DIAPH3: variants seen among roughly 807,000 people sequenced by gnomAD.
DIAPH3 encodes the protein protein diaphanous homolog 3.
DIAPH3 carries 117 observed loss-of-function variants against 144.3 expected under a neutral mutation model. That is an observed-to-expected ratio of 0.81 (90% CI 0.70 to 0.95). The LOEUF is 0.95. DIAPH3 is among the 40% of genes least tolerant of loss of function. The probability of loss-of-function intolerance (pLI) is 0.00; values close to 1 mark genes in which losing one functional copy is unlikely to be tolerated. For missense variants in DIAPH3, 1,421 were observed against 1,412.7 expected, an observed-to-expected ratio of 1.01 and a Z score of -0.09; for synonymous variants, 519 against 488.9, an observed-to-expected ratio of 1.06 and a Z score of -0.81.
chr13:60,147,037 C>T (rs1486102669), intron 1 of DIAPH3, among the ~76,000 whole-genome samples: 2 of 152,126 alleles, frequency 1.3e-5, no homozygotes, highest in Admixed American at 1.3e-4. Flanking sequence ...AATAAAATGT[C>T]CATGTTATCT....
chr13:60,054,171 A>G (rs1198390503), intron 4 of DIAPH3, among the ~76,000 whole-genome samples: 1 of 152,034 alleles, frequency 6.6e-6, no homozygotes, highest in East Asian at 1.9e-4. Flanking sequence ...TTTAAATCAC[A>G]CTTAAACCTG....
intron 9 of DIAPH3, among the ~76,000 whole-genome samples, chr13:60,001,168 A>T (rs2052507524): frequency 6.6e-6 from 1 of 152,194 alleles, no homozygotes; most frequent in African/African-American, 2.4e-5. Flanking sequence ...TAGTATAATA[A>T]AGATAATGTC....
intron 17 of DIAPH3, among the ~76,000 whole-genome samples, chr13:59,948,657 T>G (rs1206273843): frequency 6.6e-6 from 1 of 152,130 alleles, no homozygotes; most frequent in East Asian, 1.9e-4. Flanking sequence ...TTTTTGTTTT[T>G]GCTATATTGC....
chr13:59,931,664 G>GTGTA (rs1480946029), intron 17 of DIAPH3, among the ~76,000 whole-genome samples: 11 of 152,286 alleles, frequency 7.2e-5, no homozygotes, highest in East Asian at 5.8e-4. Context: ...GGTCACTTGT[G>GTGTA]TGTATGTATG....
At chr13:59,771,214 T>C (rs919335505) in intron 27 of DIAPH3, among the ~76,000 whole-genome samples, 4 of 152,066 alleles carry the variant, frequency 2.6e-5, no homozygotes. Flanking sequence ...AGCTATGATT[T>C]AAGAAGGCAC....
At chr13:59,960,825 C>T (rs570533067) in intron 17 of DIAPH3, among the ~76,000 whole-genome samples, 1 of 151,768 alleles carries the variant, frequency 6.6e-6, no homozygotes, top group Admixed American at 6.6e-5. Context: ...TTATTAGGCC[C>T]CAGTCCCATA....
At chr13:60,040,702 G>A (rs907578838) in intron 5 of DIAPH3, among the ~76,000 whole-genome samples, 7 of 152,048 alleles carry the variant, frequency 4.6e-5, no homozygotes, top group African/African-American at 1.5e-4. Context: ...AAATGAGTGT[G>A]AATTGTCTCC....
chr13:59,924,746 T>G (rs1374365239), intron 18 of DIAPH3, 29 bp downstream of exon 18: 1 of 1,591,854 alleles, frequency 6.3e-7, no homozygotes, highest in Admixed American at 1.7e-5. Flanking sequence ...TTCCACTGTC[T>G]TTGAATGGTA....
At chr13:60,027,890 A>G (rs1276136034) in intron 5 of DIAPH3, among the ~76,000 whole-genome samples, 1 of 152,140 alleles carries the variant, frequency 6.6e-6, no homozygotes, top group Non-Finnish European at 1.5e-5. Flanking sequence ...TTATGGTCAC[A>G]TTTCAGGCTT....
At chr13:60,003,873 C>T (rs2052688014) in intron 9 of DIAPH3, among the ~76,000 whole-genome samples, 1 of 152,150 alleles carries the variant, frequency 6.6e-6, no homozygotes, top group South Asian at 2.1e-4. Context: ...GGCCACCACG[C>T]ACGGCCCCTG....
intron 1 of DIAPH3, among the ~76,000 whole-genome samples, chr13:60,150,053 GCT>G (rs1453852435): frequency 9.9e-5 from 15 of 151,970 alleles, no homozygotes; most frequent in Non-Finnish European, 2.1e-4. Context: ...ACAGGATCCC[GCT>G]CTGTTTCCCA....
At chr13:59,783,387 A>G (rs946915454) in intron 25 of DIAPH3, among the ~76,000 whole-genome samples, 2 of 152,242 alleles carry the variant, frequency 1.3e-5, no homozygotes, top group African/African-American at 4.8e-5. Flanking sequence ...GGATCTAGAC[A>G]GGAGCTCAAT....
At chr13:59,854,626 C>T (rs529288987) in intron 22 of DIAPH3, among the ~76,000 whole-genome samples, 67 of 152,196 alleles carry the variant, frequency 4.4e-4, no homozygotes, top group Admixed American at 7.8e-4. Context: ...TTTCTTTCAC[C>T]TACTTCATAT....
chr13:60,065,483 T>C (rs1328708519), intron 4 of DIAPH3, among the ~76,000 whole-genome samples: 1 of 152,166 alleles, frequency 6.6e-6, no homozygotes, highest in Non-Finnish European at 1.5e-5. Flanking sequence ...TTGCTCATCA[T>C]AGTATTCCTA....
intron 25 of DIAPH3, among the ~76,000 whole-genome samples, chr13:59,806,863 CAT>C (rs1380321528): frequency 1.3e-5 from 2 of 151,630 alleles, no homozygotes; most frequent in Non-Finnish European, 3.0e-5. Flanking sequence ...TGTCAAATAT[CAT>C]ATGCATAAAA....
intron 5 of DIAPH3, among the ~76,000 whole-genome samples, chr13:60,016,371 G>A (rs777316768): frequency 6.6e-6 from 1 of 152,194 alleles, no homozygotes; most frequent in Non-Finnish European, 1.5e-5. Flanking sequence ...TGTAAGAGCA[G>A]ACTGTGCCCA....
At chr13:59,945,742 T>G (rs1028616015) in intron 17 of DIAPH3, among the ~76,000 whole-genome samples, 1 of 152,170 alleles carries the variant, frequency 6.6e-6, no homozygotes, top group African/African-American at 2.4e-5. Context: ...AGGGAGGCCC[T>G]CTTCCACAGA....
rs146870025 is a variant in DIAPH3 at position 60,067,036 on chromosome 13, T to C, written c.496-24216A>G. On this transcript the variant is annotated intron_variant, in intron 4 of 27. Transcript: ENST00000400324. ...GCTCACGCCTATAATCCCAGCACTTTGGGAGGCTGAGACCAGAGGATTGCT... is the reference window on the plus strand; with the variant it reads ...GCTCACGCCTATAATCCCAGCACTTCGGGAGGCTGAGACCAGAGGATTGCT... Among the ~76,000 whole-genome samples the C allele has an allele frequency of 5.3e-4, 81 of 152,308 alleles. No individual in the cohort carries two copies. In the East Asian group the frequency reaches 0.015, roughly 28 times the overall value.
At chr13:60,026,718 G>C (rs1407617881) in intron 5 of DIAPH3, among the ~76,000 whole-genome samples, 2 of 152,002 alleles carry the variant, frequency 1.3e-5, no homozygotes, top group African/African-American at 4.8e-5. Context: ...TTCCTCTGTA[G>C]ACAAAGTGTC....
Sources: gnomAD v4.1 joint callset for allele counts (sites outside exome capture counted in the v4.1 genomes callset) on GRCh38, gnomAD v4.1.1 for gene constraint, MANE v1.5 for transcripts, NCBI Gene and HGNC (gene_info 2026-07-23, HGNC 2026-07-21) for gene names.